Variants in UNC79 observed in about 807,000 individuals in gnomAD.
UNC79 encodes unc-79 subunit of NALCN channel complex, also known as protein unc-79 homolog.
Under a neutral mutation model 283.1 loss-of-function variants are expected in UNC79, and 37 were observed. That is an observed-to-expected ratio of 0.13 (90% CI 0.10 to 0.17). The LOEUF (loss-of-function observed/expected upper bound fraction) is 0.17. Among genes scored for constraint, UNC79 ranks in the 10% least tolerant of loss-of-function variants. UNC79 has a pLI of 1.00. For missense variants in UNC79, 2,272 were observed against 3,211.1 expected (o/e 0.71, Z 7.07); for synonymous variants, 1,107 against 1,200.2 (o/e 0.92, Z 1.61).
At chr14:93,636,638 C>T (rs187206772) in intron 31 of UNC79, among the ~76,000 whole-genome samples, 6 of 152,208 alleles carry the variant, frequency 3.9e-5, no homozygotes, top group Admixed American at 3.3e-4. Context: ...GCATATGAGA[C>T]CTGCCTCTTC....
intron 47 of UNC79, among the ~76,000 whole-genome samples, chr14:93,702,690 G>A (rs1246206766): frequency 6.6e-6 from 1 of 152,184 alleles, no homozygotes; most frequent in East Asian, 1.9e-4. Context: ...CTTTGGTTTT[G>A]TTCATTACAT....
chr14:93,489,958 G>A (rs941103240), intron 5 of UNC79, among the ~76,000 whole-genome samples: 4 of 152,210 alleles, frequency 2.6e-5, no homozygotes, highest in African/African-American at 9.7e-5. Flanking sequence ...TCTAGGTGGA[G>A]GTGAATACAC....
chr14:93,486,656 G>GAAAAAAAAAAAAAAAAAAAAAAAAAAA (rs374088349), intron 4 of UNC79, among the ~76,000 whole-genome samples: 1 of 78,508 alleles, frequency 1.3e-5, no homozygotes. Flanking sequence ...CTCTGTCTAA[G>GAAAAAAAAAAAAAAAAAAAAAAAAAAA]GAAAAAAAAA....
chr14:93,471,039 G>A (rs1242761), intron 2 of UNC79, among the ~76,000 whole-genome samples: 29,648 of 152,070 alleles, frequency 0.19, 3,309 homozygotes, highest in East Asian at 0.31. Context: ...ATCTTTTAAC[G>A]AAATTACATT....
intron 22 of UNC79, among the ~76,000 whole-genome samples, chr14:93,592,711 A>T (rs2064784548): frequency 1.3e-5 from 2 of 152,236 alleles, no homozygotes; most frequent in South Asian, 4.1e-4. Context: ...CAACAAAAAC[A>T]ACCAAAAGGC....
chr14:93,403,960 T>C (rs1369033531), intron 1 of UNC79, among the ~76,000 whole-genome samples: 1 of 151,858 alleles, frequency 6.6e-6, no homozygotes, highest in Non-Finnish European at 1.5e-5. Context: ...CATTTGCAGA[T>C]ACATAAAGAA....
At chr14:93,333,670 G>C in intron 1 of UNC79, 1 of 379,202 alleles carries the variant, frequency 2.6e-6, no homozygotes, top group Non-Finnish European at 4.7e-6. Flanking sequence ...ACACACAGTC[G>C]CCACGTGGGA....
At chr14:93,493,339 G>A (rs1001539188) in intron 5 of UNC79, among the ~76,000 whole-genome samples, 1 of 152,108 alleles carries the variant, frequency 6.6e-6, no homozygotes, top group Non-Finnish European at 1.5e-5. Flanking sequence ...AACATGCAGG[G>A]TGTTGTGAGC....
intron 1 of UNC79, among the ~76,000 whole-genome samples, chr14:93,460,366 C>T (rs926400748): frequency 6.6e-5 from 10 of 151,738 alleles, no homozygotes; most frequent in Non-Finnish European, 1.0e-4. Context: ...AAAAATTAGT[C>T]GGGTGTGGTG....
intron 31 of UNC79, 64 bp from the exon 35 acceptor site, chr14:93,637,152 C>A (rs2068575968): frequency 1.2e-6 from 1 of 864,688 alleles, no homozygotes; most frequent in Non-Finnish European, 2.0e-6. Flanking sequence ...TGGTTAAATT[C>A]TTTGTGTTCT....
At chr14:93,583,667 C>T (rs2063989174) in intron 20 of UNC79, among the ~76,000 whole-genome samples, 1 of 152,156 alleles carries the variant, frequency 6.6e-6, no homozygotes, top group Admixed American at 6.5e-5. Flanking sequence ...TGTAAGGGCT[C>T]AGTGTGATTT....
rs137979330 is a variant in UNC79, at chr14:93,468,191, C to T, written c.143+400C>T. Among the ~76,000 whole-genome samples the T allele has an allele frequency of 2.7e-3, 414 of 152,164 alleles. 1 individual carries two copies. Among genetic ancestry groups the T allele is most frequent in the African/African-American group, 9.4e-3 (392 of 41,506 alleles). On this transcript the variant is annotated intron_variant, in intron 2 of 48. Transcript: ENST00000555664. ...GTTCATCATTAGCATTTTCTATTTC[C>T]CTAAGTGTAATATACAGTGATAATA...
chr14:93,665,833 G>C (rs956927043), intron 40 of UNC79, among the ~76,000 whole-genome samples: 6 of 151,990 alleles, frequency 3.9e-5, no homozygotes, highest in African/African-American at 1.4e-4. Flanking sequence ...AAATAAGAAG[G>C]CTTCTAATAG....
intron 14 of UNC79, among the ~76,000 whole-genome samples, chr14:93,565,627 A>G (rs532613121): frequency 6.6e-6 from 1 of 152,208 alleles, no homozygotes; most frequent in South Asian, 2.1e-4. Context: ...ACTCAAATAT[A>G]GAAGTATGGA....
In UNC79 at chr14:93,645,731, T is replaced by C. The variant is rs144184670; in HGVS notation, c.6045-877T>C. 6.3e-3 allele frequency among the ~76,000 whole-genome samples: 959 copies of C among 152,164 alleles called. 15 individuals are homozygous for C. Among genetic ancestry groups the C allele is most frequent in the African/African-American group, 0.022 (929 of 41,504 alleles). On this transcript the variant is annotated intron_variant, in intron 34 of 48. Coordinates refer to ENST00000555664, the Ensembl canonical transcript of UNC79. ...TGTAGGTACAGCCTTTAAAATCTCA[T>C]TTGCTGCACCATTAATTACTGTTAC... is the stretch of plus-strand genomic sequence containing the variant.
intron 24 of UNC79, among the ~76,000 whole-genome samples, chr14:93,599,008 A>G (rs145066768): frequency 6.6e-6 from 1 of 152,210 alleles, no homozygotes; most frequent in African/African-American, 2.4e-5. Context: ...GTGACTTATC[A>G]AAGGACACAA....
In UNC79 at chr14:93,647,117, A is replaced by ATAT. The variant is rs879477709; in HGVS notation, c.6083+472_6083+473insATT. On this transcript the variant is annotated intron_variant, in intron 35 of 48. Transcript: ENST00000555664. ...CAATGTGAATAAAATATTTGCACAA[A>ATAT]TTTATAATTGTAAACTGTGCTAAGT... 3.2e-3 allele frequency among the ~76,000 whole-genome samples: 480 copies of ATAT among 152,346 alleles called. 1 individual carries two copies. Among genetic ancestry groups the ATAT allele is most frequent in the Non-Finnish European group, 5.0e-3 (337 of 68,036 alleles).
At chr14:93,335,204 T>C (rs2053552565) in intron 1 of UNC79, 1 of 152,248 alleles carries the variant, frequency 6.6e-6, no homozygotes, top group South Asian at 2.1e-4. Context: ...ACTGTTTGGA[T>C]CTAGAAACCA....
intron 7 of UNC79, among the ~76,000 whole-genome samples, chr14:93,522,036 T>C (rs1206757780): frequency 2.6e-5 from 4 of 151,786 alleles, no homozygotes; most frequent in African/African-American, 7.3e-5. Flanking sequence ...TGAACTTAAA[T>C]TGATTATCTA....
Sources: gnomAD v4.1 joint callset for allele counts (sites outside exome capture counted in the v4.1 genomes callset) on GRCh38, gnomAD v4.1.1 for gene constraint, MANE v1.5 for transcripts, NCBI Gene and HGNC (gene_info 2026-07-23, HGNC 2026-07-21) for gene names.